Variants in SACM1L observed in about 807,000 individuals in gnomAD.
SACM1L encodes phosphatidylinositol-3-phosphatase SAC1.
SACM1L carries 32 observed loss-of-function variants against 89.5 expected under a neutral mutation model. The observed-to-expected ratio is 0.36, with a 90% CI of 0.27 to 0.48. The LOEUF is 0.48. SACM1L is among the 20% of genes least tolerant of loss of function. The pLI is 0.99. For missense variants in SACM1L, 543 were observed against 708.5 expected (o/e 0.77, Z 2.65); for synonymous variants, 213 against 232.8 (o/e 0.92, Z 0.77).
intron 4 of SACM1L, among the ~76,000 whole-genome samples, chr3:45,708,494 A>G (rs1698449297): frequency 6.6e-6 from 1 of 152,100 alleles, no homozygotes. Flanking sequence ...CTTAGGATAA[A>G]CATTTTAAAA....
chr3:45,739,483 G>T, intron 18 of SACM1L, 104 bp from the exon 19 acceptor site: 1 of 974,032 alleles, frequency 1.0e-6, no homozygotes, highest in South Asian at 1.3e-5. Flanking sequence ...TGTATTAGCT[G>T]ACAGATGAGT....
Position 45,703,466 on chromosome 3 carries a change from G to A in SACM1L, c.61G>A (p.Glu21Lys). ...TATCACACCTGAAAAATTTTATGTG[G>A]AAGCTTGTGATGATGGAGCAGATGA... ...LHITPEKFYV[E>K]ACDDGADDVL... Residue 21 changes from glutamate (E) to lysine (K), a missense_variant, in exon 2 of 20, where the codon GAA becomes AAA. This residue lies in a region of SACM1L where 173 missense variants were observed against 180.9 expected (regional missense o/e 0.96). Coordinates refer to ENST00000389061, the MANE Select transcript of SACM1L (RefSeq NM_014016.5). 6.2e-7 allele frequency: 1 copy of A among 1,612,928 alleles called. No homozygotes were observed. The highest frequency in any genetic ancestry group is 8.5e-7 in the Non-Finnish European group (1 of 1,179,160).
At chr3:45,716,019 TTC>T (rs1698649229) in intron 7 of SACM1L, among the ~76,000 whole-genome samples, 1 of 152,110 alleles carries the variant, frequency 6.6e-6, no homozygotes. Flanking sequence ...AATCATATGT[TTC>T]ACACACATAC....
intron 7 of SACM1L, among the ~76,000 whole-genome samples, chr3:45,717,943 T>A (rs535540121): frequency 3.3e-4 from 50 of 152,282 alleles, no homozygotes; most frequent in Admixed American, 2.7e-3. Context: ...TAATTTTTTT[T>A]AAAAAAGCAG....
intron 1 of SACM1L, among the ~76,000 whole-genome samples, chr3:45,696,297 C>T (rs1432847276): frequency 6.6e-6 from 1 of 152,130 alleles, no homozygotes; most frequent in Non-Finnish European, 1.5e-5. Context: ...GTGCCTGGCC[C>T]AGAATTTCCT....
chr3:45,698,256 G>A (rs1023806904), intron 1 of SACM1L, among the ~76,000 whole-genome samples: 3 of 152,230 alleles, frequency 2.0e-5, no homozygotes, highest in South Asian at 4.1e-4. Flanking sequence ...TGTAGGTGCC[G>A]TGAGTTAGGA....
At chr3:45,705,082 T>G in intron 2 of SACM1L, 53 bp from the exon 3 acceptor site, 1 of 1,178,734 alleles carries the variant, frequency 8.5e-7, no homozygotes, top group Non-Finnish European at 1.2e-6. Context: ...AATTTCTGTT[T>G]CTGTTGGTGA....
At chr3:45,701,515 G>A (rs911069487) in intron 1 of SACM1L, among the ~76,000 whole-genome samples, 1 of 151,806 alleles carries the variant, frequency 6.6e-6, no homozygotes, top group Non-Finnish European at 1.5e-5. Context: ...CTGAAATAGT[G>A]GGTTTAAAAA....
At chr3:45,699,551 T>A (rs1534875) in intron 1 of SACM1L, among the ~76,000 whole-genome samples, 3 of 152,016 alleles carry the variant, frequency 2.0e-5, no homozygotes, top group Non-Finnish European at 2.9e-5. Flanking sequence ...TTTTTGAGAC[T>A]GAGTCTCACT....
At chr3:45,735,130 C>A in intron 13 of SACM1L, 105 bp from the exon 14 acceptor site, 3 of 1,097,636 alleles carry the variant, frequency 2.7e-6, no homozygotes, top group Non-Finnish European at 3.9e-6. Context: ...TTTTAATTTA[C>A]AGTTTTTAAT....
chr3:45,695,995 TC>T (rs1698113973), intron 1 of SACM1L, among the ~76,000 whole-genome samples: 1 of 149,382 alleles, frequency 6.7e-6, no homozygotes, highest in African/African-American at 2.5e-5. Context: ...TGTCAGAATT[TC>T]CTTTTTTTTT....
At chr3:45,703,267 A>G (rs771642239) in intron 1 of SACM1L, among the ~76,000 whole-genome samples, 171 bp from the exon 2 acceptor site, 9 of 152,238 alleles carry the variant, frequency 5.9e-5, no homozygotes, top group Non-Finnish European at 1.2e-4. Context: ...TCAAATATAC[A>G]AGTGAAAAGA....
chr3:45,727,847 G>A (rs145923811), intron 11 of SACM1L, among the ~76,000 whole-genome samples: 9,091 of 152,074 alleles, frequency 0.06, 897 homozygotes, highest in African/African-American at 0.21. Flanking sequence ...TGCCCGCCTC[G>A]GCCTTCCAAA....
chr3:45,731,929 T>A (rs1699063507), intron 12 of SACM1L, 124 bp from the exon 13 acceptor site: 1 of 599,170 alleles, frequency 1.7e-6, no homozygotes, highest in Non-Finnish European at 3.0e-6. Flanking sequence ...TGAAGGAGGT[T>A]CTAGTGTTCC....
intron 2 of SACM1L, 56 bp from the exon 3 acceptor site, chr3:45,705,079 G>C: frequency 8.7e-7 from 1 of 1,144,730 alleles, no homozygotes. Flanking sequence ...CTAAATTTCT[G>C]TTTCTGTTGG....
intron 4 of SACM1L, 172 bp downstream of exon 4, chr3:45,707,079 TCA>T (rs1187197573): frequency 2.9e-5 from 15 of 518,606 alleles, no homozygotes; most frequent in Non-Finnish European, 4.1e-5. Flanking sequence ...ATTTTTTAAA[TCA>T]TTTGTTGCTC....
At chr3:45,725,568 T>C (rs546697420) in intron 11 of SACM1L, among the ~76,000 whole-genome samples, 1 of 152,108 alleles carries the variant, frequency 6.6e-6, no homozygotes, top group Admixed American at 6.5e-5. Flanking sequence ...GCTCCAACTT[T>C]GTTGAATTTC....
chr3:45,702,756 G>A (rs2742439), intron 1 of SACM1L, among the ~76,000 whole-genome samples: 73,464 of 151,992 alleles, frequency 0.48, 18,284 homozygotes, highest in Middle Eastern at 0.57. Flanking sequence ...TAATTACAAA[G>A]TTGCATAAAT....
Position 45,723,503 on chromosome 3 carries a change from C to T in SACM1L, c.881C>T (p.Ser294Phe), listed in dbSNP as rs1698836564. 15 of 1,507,396 alleles carry T rather than the reference C, an allele frequency of 1.0e-5. No individual in the cohort carries two copies. The highest frequency in any genetic ancestry group is 1.3e-5 in the Non-Finnish European group (15 of 1,119,276). The allele number at this position is 1,507,396 out of a possible 1,614,324, so 93.4% of individuals were successfully genotyped here. Residue 294 changes from serine to phenylalanine, a missense_variant, in exon 11 of 20, where the codon TCC becomes TTC. Ser to Phe is a radical substitution (Grantham distance 155). Coordinates refer to ENST00000389061, the MANE Select transcript of SACM1L (RefSeq NM_014016.5). ...HMDGFQRHFDSQVIIYGKQVI... is the reference protein window; with the variant it reads ...HMDGFQRHFDFQVIIYGKQVI... ...GACGGTTTCCAAAGGCATTTTGATT[C>T]CCAAGTAATTATTTATGGAAAACAA... is the stretch of plus-strand genomic sequence containing the variant.
Sources: gnomAD v4.1 joint callset for allele counts (sites outside exome capture counted in the v4.1 genomes callset) on GRCh38, gnomAD v4.1.1 for gene constraint, gnomAD v4.1.1 regional missense constraint, MANE v1.5 for transcripts, NCBI Gene and HGNC (gene_info 2026-07-23, HGNC 2026-07-21) for gene names.